TNS3: variants seen among roughly 807,000 people sequenced by gnomAD.
The protein encoded by TNS3 is tensin-3.
In TNS3, 45 loss-of-function variants were observed where a neutral mutation model predicts 140.9. The ratio of observed to expected loss-of-function variants is 0.32; its 90% CI spans 0.25 to 0.41. The LOEUF is 0.41. Ranked by LOEUF, TNS3 falls within the 10% of genes least tolerant of loss-of-function variation. The probability of loss-of-function intolerance (pLI) is 1.00; values close to 1 mark genes in which losing one functional copy is unlikely to be tolerated. For synonymous variants in TNS3, 815 were observed against 788.4 expected (o/e 1.03, Z -0.56); for missense variants, 1,716 against 1,906.7 (o/e 0.90, Z 1.86).
intron 3 of TNS3, among the ~76,000 whole-genome samples, chr7:47,493,910 A>C (rs1198200222): frequency 6.6e-6 from 1 of 152,192 alleles, no homozygotes; most frequent in Non-Finnish European, 1.5e-5. Context: ...AAAATTAAGC[A>C]TTGAGCTGCA....
chr7:47,283,454 C>CT (rs1160350860), intron 28 of TNS3, among the ~76,000 whole-genome samples: 8 of 152,158 alleles, frequency 5.3e-5, no homozygotes, highest in Admixed American at 3.9e-4. Context: ...CGCCAAACGT[C>CT]TTTTTTTATT....
In TNS3 at chr7:47,303,622, G is replaced by A. The variant is rs1383460169; in HGVS notation, c.2823-38C>T. ...CAAGCCGACCAAGACAGCATGTAAG[G>A]TACAAAGAGACACCTGAAGACCAGC... On this transcript the variant is annotated intron_variant, in intron 21 of 30. Transcript: ENST00000311160. The A allele has an allele frequency of 2.0e-6, 3 of 1,530,534 alleles. No homozygotes were observed. The African/African-American group carries it at 4.1e-5, about 21-fold the overall frequency. 94.8% of individuals were successfully genotyped at this position (1,530,534 alleles called of 1,614,324 possible).
At chr7:47,372,837 C>A (rs1418716694) in intron 16 of TNS3, among the ~76,000 whole-genome samples, 2 of 152,198 alleles carry the variant, frequency 1.3e-5, no homozygotes, top group Non-Finnish European at 2.9e-5. Context: ...CTGCTACATA[C>A]ATAGGTAGTT....
At chr7:47,420,105 G>C (rs894793505) in intron 10 of TNS3, among the ~76,000 whole-genome samples, 3 of 152,202 alleles carry the variant, frequency 2.0e-5, no homozygotes, top group Admixed American at 6.5e-5. Flanking sequence ...TCATCCTTTA[G>C]AGAATGTGGA....
intron 16 of TNS3, among the ~76,000 whole-genome samples, chr7:47,391,832 G>A (rs1254743013): frequency 1.3e-5 from 2 of 152,126 alleles, no homozygotes; most frequent in African/African-American, 4.8e-5. Flanking sequence ...TGACGAGGAG[G>A]TGGGGCACCC....
At chr7:47,460,575 C>A (rs1002290772) in intron 4 of TNS3, among the ~76,000 whole-genome samples, 1 of 152,212 alleles carries the variant, frequency 6.6e-6, no homozygotes, top group Non-Finnish European at 1.5e-5. Context: ...TGCCGCCCTG[C>A]GCTCCCCTCA....
At chr7:47,438,716 C>G (rs1023492597) in intron 6 of TNS3, among the ~76,000 whole-genome samples, 2 of 152,202 alleles carry the variant, frequency 1.3e-5, no homozygotes, top group African/African-American at 2.4e-5. Context: ...GTCCACCTCT[C>G]CCAGCCACTG....
At chr7:47,559,627 T>TA (rs1462794715) in intron 1 of TNS3, among the ~76,000 whole-genome samples, 4 of 152,214 alleles carry the variant, frequency 2.6e-5, no homozygotes, top group Middle Eastern at 6.8e-3. Flanking sequence ...GAGCCAATCT[T>TA]ACGAGAGGCC....
At chr7:47,389,073 A>T (rs1484764375) in intron 16 of TNS3, among the ~76,000 whole-genome samples, 1 of 62,078 alleles carries the variant, frequency 1.6e-5, no homozygotes, top group African/African-American at 7.1e-5. Context: ...GAAGAAGAAG[A>T]AGAAGAAGAA....
intron 16 of TNS3, among the ~76,000 whole-genome samples, chr7:47,395,027 G>A (rs540824553): frequency 5.9e-5 from 9 of 152,344 alleles, no homozygotes; most frequent in East Asian, 3.9e-4. Flanking sequence ...CCCCTCTTAC[G>A]GCATTGGCAC....
At chr7:47,349,951 G>A (rs1789567798) in intron 17 of TNS3, among the ~76,000 whole-genome samples, 1 of 152,192 alleles carries the variant, frequency 6.6e-6, no homozygotes, top group Non-Finnish European at 1.5e-5. Context: ...TTGCAGACAA[G>A]GAGAATGGAG....
chr7:47,567,647 G>A (rs1800458164), intron 1 of TNS3, among the ~76,000 whole-genome samples: 1 of 141,646 alleles, frequency 7.1e-6, no homozygotes, highest in Non-Finnish European at 1.5e-5. Context: ...TCATGCCACT[G>A]CACTCCAGCC....
intron 20 of TNS3, among the ~76,000 whole-genome samples, chr7:47,312,361 G>A (rs550206747): frequency 7.9e-5 from 12 of 152,320 alleles, no homozygotes; most frequent in African/African-American, 2.4e-4. Flanking sequence ...CCAGTACTAA[G>A]ATGACTTATC....
chr7:47,554,187 G>A (rs1442131866), intron 1 of TNS3, among the ~76,000 whole-genome samples: 6 of 150,914 alleles, frequency 4.0e-5, no homozygotes, highest in Non-Finnish European at 8.9e-5. Flanking sequence ...GGGAGGCCAA[G>A]ACGGGTAGAT....
intron 2 of TNS3, among the ~76,000 whole-genome samples, chr7:47,515,391 A>G (rs1266814195): frequency 6.6e-6 from 1 of 152,080 alleles, no homozygotes; most frequent in Non-Finnish European, 1.5e-5. Context: ...TGTTACTATC[A>G]CCATCAACTA....
chr7:47,295,563 A>G (rs1785961361), intron 24 of TNS3, among the ~76,000 whole-genome samples: 1 of 152,126 alleles, frequency 6.6e-6, no homozygotes, highest in Non-Finnish European at 1.5e-5. Context: ...TCTGGATGCT[A>G]GAAGATCCTA....
At chr7:47,534,957 C>A (rs998466664) in intron 1 of TNS3, among the ~76,000 whole-genome samples, 4 of 152,318 alleles carry the variant, frequency 2.6e-5, no homozygotes, top group Admixed American at 2.0e-4. Flanking sequence ...CCTCAAGCCC[C>A]AGTCTCACGC....
chr7:47,465,710 A>T (rs1796682766), intron 4 of TNS3, among the ~76,000 whole-genome samples: 1 of 152,132 alleles, frequency 6.6e-6, no homozygotes, highest in Non-Finnish European at 1.5e-5. Context: ...GGATCACCTG[A>T]GGTCAGGAGT....
intron 20 of TNS3, among the ~76,000 whole-genome samples, chr7:47,333,449 G>A (rs1412035666): frequency 2.0e-5 from 3 of 152,208 alleles, no homozygotes; most frequent in East Asian, 3.8e-4. Context: ...CTACGTACCT[G>A]AATATAAACC....
Sources: allele counts gnomAD v4.1 joint callset (sites outside exome capture counted in the v4.1 genomes callset), GRCh38; gene constraint gnomAD v4.1.1; transcripts MANE v1.5; gene names NCBI Gene and HGNC (gene_info 2026-07-23, HGNC 2026-07-21).